Variants in CKAP5 observed in about 807,000 individuals in gnomAD.
The protein encoded by CKAP5 is cytoskeleton-associated protein 5.
A neutral mutation model predicts 232.8 loss-of-function variants in CKAP5; 27 were observed. The ratio of observed to expected loss-of-function variants is 0.12; its 90% CI spans 0.09 to 0.16. CKAP5 has a LOEUF of 0.16. Ranked by LOEUF, CKAP5 falls within the 10% of genes least tolerant of loss-of-function variation. The pLI is 1.00. For missense variants in CKAP5, 1,838 were observed against 2,424.7 expected (o/e 0.76, Z 5.08); for synonymous variants, 785 against 841.1 (o/e 0.93, Z 1.16).
At chr11:46,825,384 C>T (rs1020800982) in intron 1 of CKAP5, among the ~76,000 whole-genome samples, 1 of 152,160 alleles carries the variant, frequency 6.6e-6, no homozygotes. Context: ...TCCTACTTCT[C>T]AGTCTGTCTC....
In CKAP5 at chr11:46,821,214, C is replaced by T. The variant is rs533825448; in HGVS notation, c.18G>A (p.Glu6=). Residue 6 remains glutamate (E), a synonymous_variant, in exon 2 of 44, where the codon GAG becomes GAA. Transcript: ENST00000529230. ...TCTGATCAACTGGCAGTTTCAACCACTCACTGTCATCTCCCATTGTGCTTC... is the reference window on the plus strand; with the variant it reads ...TCTGATCAACTGGCAGTTTCAACCATTCACTGTCATCTCCCATTGTGCTTC... MGDDS[E]WLKLPVDQKC... 7.4e-5 allele frequency: 119 copies of T among 1,613,012 alleles called. 1 individual carries two copies. In the South Asian group the frequency reaches 1.3e-3, roughly 17 times the overall value.
intron 1 of CKAP5, among the ~76,000 whole-genome samples, chr11:46,828,258 G>A (rs1320914083): frequency 6.6e-6 from 1 of 151,996 alleles, no homozygotes; most frequent in East Asian, 1.9e-4. Flanking sequence ...ACTTGGGTGG[G>A]GGCGGGGTAG....
chr11:46,790,438 A>G, intron 14 of CKAP5, 32 bp downstream of exon 14: 4 of 1,483,474 alleles, frequency 2.7e-6, no homozygotes, highest in South Asian at 1.2e-5. Flanking sequence ...TGCAGGGTTC[A>G]TGATTTTCAG....
At chr11:46,777,737 T>G (rs75775957) in intron 22 of CKAP5, among the ~76,000 whole-genome samples, 185 bp from the exon 23 acceptor site, 1 of 152,228 alleles carries the variant, frequency 6.6e-6, no homozygotes, top group African/African-American at 2.4e-5. Flanking sequence ...GTGGCCTTTT[T>G]ATCATCAGTT....
At chr11:46,843,002 A>C (rs1940097538) in intron 1 of CKAP5, among the ~76,000 whole-genome samples, 2 of 141,214 alleles carry the variant, frequency 1.4e-5, no homozygotes. Flanking sequence ...GAAGTAAGGT[A>C]GCAGGGTGTG....
At chr11:46,843,622 C>T (rs574493821) in intron 1 of CKAP5, among the ~76,000 whole-genome samples, 1 of 151,222 alleles carries the variant, frequency 6.6e-6, no homozygotes, top group South Asian at 2.1e-4. Flanking sequence ...TCCCAGCTAC[C>T]GGAAGGCTGA....
At chr11:46,823,640 T>G (rs1939592620) in intron 1 of CKAP5, among the ~76,000 whole-genome samples, 1 of 152,018 alleles carries the variant, frequency 6.6e-6, no homozygotes, top group South Asian at 2.1e-4. Flanking sequence ...CAGGCTGGAG[T>G]GCAGTGGTGT....
chr11:46,819,572 A>G (rs935689988), intron 2 of CKAP5, among the ~76,000 whole-genome samples: 1 of 152,222 alleles, frequency 6.6e-6, no homozygotes, highest in Non-Finnish European at 1.5e-5. Flanking sequence ...CTATTAGATC[A>G]AAGAGACAGA....
At position 46,750,744 on chromosome 11, in the gene CKAP5, C is replaced by G. The variant is rs372211454; in HGVS notation, c.5461-133G>C. On this transcript the variant is annotated intron_variant, in intron 40 of 43. Coordinates refer to ENST00000529230, the MANE Select transcript of CKAP5 (RefSeq NM_001008938.4). ...ATGTTCCTACAGATAACAGATGCAC[C>G]GATGATGCAGGTCTTGCAGCAGAAG... The G allele has an allele frequency of 1.2e-3, 802 of 682,302 alleles. 13 individuals carry two copies. In the South Asian group the frequency reaches 0.014, roughly 12 times the overall value. The allele number at this position is 682,302 out of a possible 1,614,324, so 42.3% of individuals were successfully genotyped here.
chr11:46,797,770 T>C (rs755211139), intron 11 of CKAP5, 35 bp downstream of exon 11: 1 of 1,576,898 alleles, frequency 6.3e-7, no homozygotes, highest in South Asian at 1.2e-5. Context: ...TGCCTAGGTA[T>C]AAAATATTCC....
chr11:46,802,555 C>A (rs868451229), intron 8 of CKAP5, among the ~76,000 whole-genome samples: 2 of 130,200 alleles, frequency 1.5e-5, no homozygotes, highest in Non-Finnish European at 3.0e-5. Flanking sequence ...GACAGACAGA[C>A]AGACACACAC....
intron 13 of CKAP5, among the ~76,000 whole-genome samples, chr11:46,794,610 G>T (rs1592462541): frequency 6.6e-6 from 1 of 152,222 alleles, no homozygotes. Flanking sequence ...GGCCAAGGCA[G>T]GAGGATCACT....
intron 1 of CKAP5, among the ~76,000 whole-genome samples, chr11:46,823,286 G>A (rs1181071745): frequency 6.6e-6 from 1 of 152,042 alleles, no homozygotes. Flanking sequence ...TAAAAGTAAT[G>A]TGTGTAAACT....
intron 29 of CKAP5, 108 bp from the exon 30 acceptor site, chr11:46,763,287 G>A (rs2065171410): frequency 5.5e-6 from 6 of 1,085,636 alleles, no homozygotes; most frequent in Non-Finnish European, 8.0e-6. Flanking sequence ...GAAAATGACA[G>A]ATTTTTAAGC....
intron 13 of CKAP5, among the ~76,000 whole-genome samples, chr11:46,792,515 C>T (rs975512970): frequency 6.6e-6 from 1 of 151,646 alleles, no homozygotes; most frequent in Non-Finnish European, 1.5e-5. Flanking sequence ...ATCGTGCCAC[C>T]GCACTCCAGC....
At chr11:46,782,222 G>T (rs1028849911) in intron 18 of CKAP5, among the ~76,000 whole-genome samples, 5 of 152,050 alleles carry the variant, frequency 3.3e-5, no homozygotes, top group African/African-American at 1.2e-4. Flanking sequence ...CCATGAAACA[G>T]AAATTTAATT....
chr11:46,787,001 G>GA (rs1437895884), intron 16 of CKAP5, among the ~76,000 whole-genome samples: 3 of 152,042 alleles, frequency 2.0e-5, no homozygotes, highest in Non-Finnish European at 2.9e-5. Context: ...ATGAATTTGA[G>GA]AAAAAAATTA....
At chr11:46,822,466 T>C (rs1367058974) in intron 1 of CKAP5, among the ~76,000 whole-genome samples, 1 of 151,844 alleles carries the variant, frequency 6.6e-6, no homozygotes, top group Non-Finnish European at 1.5e-5. Flanking sequence ...AAATAATCAA[T>C]ATGGGGGTCG....
At chr11:46,791,328 T>G (rs754877541) in intron 13 of CKAP5, among the ~76,000 whole-genome samples, 1 of 151,480 alleles carries the variant, frequency 6.6e-6, no homozygotes, top group Non-Finnish European at 1.5e-5. Context: ...CGGCTCACTA[T>G]AGCCTTGACC....
Sources: allele counts gnomAD v4.1 joint callset (sites outside exome capture counted in the v4.1 genomes callset), GRCh38; gene constraint gnomAD v4.1.1; transcripts MANE v1.5; gene names NCBI Gene and HGNC (gene_info 2026-07-23, HGNC 2026-07-21).